CDH13: variants seen among roughly 807,000 people sequenced by gnomAD.
CDH13 encodes the protein cadherin-13.
A neutral mutation model predicts 63.8 loss-of-function variants in CDH13; 24 were observed. The ratio of observed to expected loss-of-function variants is 0.38; its 90% confidence interval spans 0.27 to 0.53. CDH13 has a LOEUF of 0.53. Ranked by LOEUF, CDH13 falls within the 20% of genes least tolerant of loss-of-function variation. The probability of loss-of-function intolerance (pLI) is 0.85; values close to 1 mark genes in which losing one functional copy is unlikely to be tolerated. For missense variants in CDH13, 1,049 were observed against 903.1 expected (o/e 1.16, Z -2.07); for synonymous variants, 503 against 355.3 (o/e 1.42, Z -4.67).
At chr16:82,779,858 A>AGT (rs887921552) in intron 1 of CDH13, among the ~76,000 whole-genome samples, 1 of 135,964 alleles carries the variant, frequency 7.4e-6, no homozygotes, top group Non-Finnish European at 1.7e-5. Context: ...TGGCTCTCAT[A>AGT]GTATTTTGTC....
intron 7 of CDH13, among the ~76,000 whole-genome samples, chr16:83,500,225 TTTCTTCTCCTTCTTCTTCTTC>T (rs1243213412): frequency 0.04 from 1,256 of 31,570 alleles, 455 homozygotes; most frequent in African/African-American, 0.13. Context: ...CACTAGTTTC[TTTCTTCTCCTTCTTCTTCTTC>T]TTCTTCTTCT....
chr16:83,725,966 T>A (rs568376238), intron 10 of CDH13: 2 of 152,278 alleles, frequency 1.3e-5, no homozygotes, highest in South Asian at 4.1e-4. Context: ...TGGAAAAAAA[T>A]TTCCCTTTGA....
intron 2 of CDH13, among the ~76,000 whole-genome samples, chr16:82,864,350 A>C (rs1372254328): frequency 6.6e-6 from 1 of 152,200 alleles, no homozygotes; most frequent in Non-Finnish European, 1.5e-5. Context: ...TCATACTTCT[A>C]TAAAGAACTA....
chr16:83,249,479 C>T (rs1368837167), intron 5 of CDH13, among the ~76,000 whole-genome samples: 1 of 152,206 alleles, frequency 6.6e-6, no homozygotes, highest in Admixed American at 6.5e-5. Flanking sequence ...TTAACTTTCT[C>T]TGCTTGAGGC....
chr16:83,251,377 G>A (rs1377325431), intron 5 of CDH13, among the ~76,000 whole-genome samples: 1 of 152,124 alleles, frequency 6.6e-6, no homozygotes, highest in African/African-American at 2.4e-5. Context: ...GTGAGTTCTA[G>A]CATTGCCCCA....
rs460796 is a variant in CDH13 at position 83,796,694 on chromosome 16, T to G, written c.*1664T>G. 29,157 of 145,610 alleles carry G rather than the reference T, an allele frequency of 0.2. 2,917 individuals carry two copies. The highest frequency in any genetic ancestry group is 0.25 in the South Asian group (1,182 of 4,718). 9.0% of individuals were successfully genotyped at this position (145,610 alleles called of 1,614,324 possible). On this transcript the variant is annotated 3_prime_UTR_variant, in exon 14 of 14. Transcript: ENST00000567109. ...CAAGTTCACATTTTTGACAGACCAT[T>G]TGGGGTCCGTCGTACATCTCTGGTT...
chr16:83,104,698 T>C (rs1197710452), intron 3 of CDH13, among the ~76,000 whole-genome samples: 2 of 152,164 alleles, frequency 1.3e-5, no homozygotes, highest in Non-Finnish European at 2.9e-5. Context: ...TAATGTTGAA[T>C]TTCAGTCGTA....
chr16:83,072,294 G>A (rs1037009372), intron 3 of CDH13, among the ~76,000 whole-genome samples: 4 of 152,170 alleles, frequency 2.6e-5, no homozygotes, highest in African/African-American at 9.7e-5. Context: ...TTCAAAGTTT[G>A]CAATCGTTTA....
At chr16:83,751,560 G>C (rs2150976336) in intron 11 of CDH13, among the ~76,000 whole-genome samples, 1 of 152,354 alleles carries the variant, frequency 6.6e-6, no homozygotes, top group South Asian at 2.1e-4. Context: ...ATACAGGTAA[G>C]AGAAAAGAGA....
At position 82,639,314 on chromosome 16, in the gene CDH13, C is replaced by T. The variant is rs138964780; in HGVS notation, c.45+12177C>T. 2.2e-3 allele frequency: 3,099 copies of T among 1,380,404 alleles called. 9 individuals carry two copies. Among genetic ancestry groups the T allele is most frequent in the Non-Finnish European group, 2.9e-3 (2,960 of 1,009,200 alleles). The allele number at this position is 1,380,404 out of a possible 1,614,324, so 85.5% of individuals were successfully genotyped here. ...TGCAACCTTCAGAACAGGGTCAGCC[C>T]GGGGTCATTTGTGTTCTTTGTCTCC... On this transcript the variant is annotated intron_variant, in intron 1 of 13. Transcript: ENST00000567109.
At chr16:82,938,382 T>C (rs139627691) in intron 2 of CDH13, among the ~76,000 whole-genome samples, 10 of 152,360 alleles carry the variant, frequency 6.6e-5, no homozygotes, top group African/African-American at 2.4e-4. Context: ...ATGATCAATG[T>C]TTCTTTTAGA....
At chr16:83,545,853 T>C (rs1463677547) in intron 7 of CDH13, among the ~76,000 whole-genome samples, 2 of 152,214 alleles carry the variant, frequency 1.3e-5, no homozygotes, top group Non-Finnish European at 2.9e-5. Flanking sequence ...CCATGGAGAA[T>C]TGATGGCTCC....
At position 83,725,256 on chromosome 16, in the gene CDH13, A is replaced by G. The variant is rs936363358; in HGVS notation, c.1539-22852A>G. Among the ~76,000 whole-genome samples the G allele has an allele frequency of 9.2e-5, 14 of 152,336 alleles. No homozygotes were observed. The East Asian group carries it at 2.7e-3, about 29-fold the overall frequency. On this transcript the variant is annotated intron_variant, in intron 10 of 13. Coordinates refer to ENST00000567109, the MANE Select transcript of CDH13 (RefSeq NM_001257.5). ...TGGGATAAACAAAGGCATGGTGGCC[A>G]AGAGAGCTAGATCCGTTCACTCAAC...
chr16:82,793,108 G>C (rs2036401891), intron 1 of CDH13, among the ~76,000 whole-genome samples: 1 of 152,180 alleles, frequency 6.6e-6, no homozygotes, highest in African/African-American at 2.4e-5. Flanking sequence ...GCATTTCAGG[G>C]GCGACTAAAC....
intron 11 of CDH13, among the ~76,000 whole-genome samples, chr16:83,753,040 T>C (rs1236267199): frequency 6.6e-6 from 1 of 152,142 alleles, no homozygotes; most frequent in Non-Finnish European, 1.5e-5. Context: ...GGTGTAATGG[T>C]AAATAGAAAC....
At chr16:83,406,421 C>CCT in intron 6 of CDH13, among the ~76,000 whole-genome samples, 1 of 149,516 alleles carries the variant, frequency 6.7e-6, no homozygotes, top group Non-Finnish European at 1.5e-5. Context: ...TTTCTTTCCC[C>CCT]CCCCGCCTCT....
At chr16:82,883,911 C>T (rs1374435946) in intron 2 of CDH13, among the ~76,000 whole-genome samples, 1 of 152,168 alleles carries the variant, frequency 6.6e-6, no homozygotes, top group African/African-American at 2.4e-5. Context: ...CAAATCTTGG[C>T]TCTCCAACTT....
intron 10 of CDH13, among the ~76,000 whole-genome samples, chr16:83,709,918 G>C (rs1907747905): frequency 6.6e-6 from 1 of 152,204 alleles, no homozygotes; most frequent in South Asian, 2.1e-4. Context: ...AGAAAGAACA[G>C]AGATATTTAA....
chr16:83,181,797 G>A (rs112031480), intron 4 of CDH13, among the ~76,000 whole-genome samples: 5 of 152,218 alleles, frequency 3.3e-5, no homozygotes, highest in African/African-American at 1.2e-4. Context: ...GCATGTGTGT[G>A]TGTATGTGTG....
Sources: gnomAD v4.1 joint callset for allele counts (sites outside exome capture counted in the v4.1 genomes callset) on GRCh38, gnomAD v4.1.1 for gene constraint, MANE v1.5 for transcripts, NCBI Gene and HGNC (gene_info 2026-07-23, HGNC 2026-07-21) for gene names.